ITPKA: variants seen among roughly 807,000 people sequenced by gnomAD.
ITPKA encodes IP3 3-kinase A.
Under a neutral mutation model 40.7 loss-of-function variants are expected in ITPKA, and 16 were observed. The ratio of observed to expected loss-of-function variants is 0.39; its 90% CI spans 0.27 to 0.60. The LOEUF is 0.60. Ranked by LOEUF, ITPKA falls within the 20% of genes least tolerant of loss-of-function variation. ITPKA has a pLI of 0.50. For missense variants in ITPKA, 540 were observed against 649.3 expected (o/e 0.83, Z 1.83); for synonymous variants, 313 against 289.9 (o/e 1.08, Z -0.81).
rs756697444 is a variant in ITPKA, at chr15:41,503,126, A to T, written c.1346A>T (p.Asp449Val). 1 of 1,598,262 alleles carries T rather than the reference A, an allele frequency of 6.3e-7. No homozygotes were observed. Among genetic ancestry groups the T allele is most frequent in the South Asian group, 1.1e-5 (1 of 90,614 alleles). Residue 449 changes from aspartate to valine, a missense_variant, in exon 7 of 7, where the codon GAC (aspartate) becomes GTC (valine). Transcript: ENST00000260386. Reference sequence around the variant, plus strand: ...GAGGACGGCTATTTGCTGGGGCTGGACAATCTCATTGGCATCCTGGCCAGC... The same window carrying T: ...GAGGACGGCTATTTGCTGGGGCTGGTCAATCTCATTGGCATCCTGGCCAGC... The part of the protein sequence containing the change: ...NREDGYLLGL[D>V]NLIGILASLA...
At chr15:41,499,224 T>C (rs895744265) in intron 1 of ITPKA, among the ~76,000 whole-genome samples, 10 of 152,260 alleles carry the variant, frequency 6.6e-5, no homozygotes, top group Admixed American at 2.0e-4. Context: ...AAAAGGAGTT[T>C]TGAAAGTGAT....
Position 41,494,971 on chromosome 15 carries a change from G to A in ITPKA, c.489+555G>A, listed in dbSNP as rs912946374. 6.6e-6 allele frequency among the ~76,000 whole-genome samples: 1 copy of A among 152,214 alleles called. No homozygotes were observed. The highest frequency in any genetic ancestry group is 6.5e-5 in the Admixed American group (1 of 15,288). On this transcript the variant is annotated intron_variant, in intron 1 of 6. Coordinates refer to ENST00000260386, the MANE Select transcript of ITPKA (RefSeq NM_002220.3). The surrounding 1 kb of genome is among the most constrained non-coding windows in gnomAD (Gnocchi z 7.8). ...AGGGGAGGGAGGGGCGTGGGCCTGG[G>A]AGCTCTGGCTGGGAGCGGAACGCAG...
At position 41,501,520 on chromosome 15, in the gene ITPKA, A is replaced by C; in HGVS notation, c.547A>C (p.Lys183Gln). Residue 183 changes from lysine (K) to glutamine (Q), a missense_variant, in exon 2 of 7, where the codon AAG becomes CAG. Transcript: ENST00000260386. ...MVNLPVISPF[K>Q]KRYAWVQLAG... ...CAATCTGCCGGTCATAAGCCCTTTCAAGAAGCGCTACGCCTGGGTGCAGCT... is the reference window on the plus strand; with the variant it reads ...CAATCTGCCGGTCATAAGCCCTTTCCAGAAGCGCTACGCCTGGGTGCAGCT... 1 of 1,598,772 alleles carries C rather than the reference A, an allele frequency of 6.3e-7. No individual in the cohort carries two copies. Among genetic ancestry groups the C allele is most frequent in the Non-Finnish European group, 8.5e-7 (1 of 1,172,912 alleles).
At position 41,502,788 on chromosome 15, in the gene ITPKA, A is replaced by G; in HGVS notation, c.1111A>G (p.Arg371Gly). 6.2e-7 allele frequency: 1 copy of G among 1,606,818 alleles called. No homozygotes were observed. The highest frequency in any genetic ancestry group is 1.3e-5 in the African/African-American group (1 of 74,864). The change falls in exon 6 of 7, where the codon AGG (arginine) becomes GGG (glycine). Residue 371 changes from arginine (R) to glycine (G), a missense_variant and splice_region_variant. Arg to Gly is a moderately radical substitution (Grantham distance 125). Transcript: ENST00000260386. Reference protein sequence around the residue: ...EFVQGDEEVLRRYLNRLQQIR... With the variant: ...EFVQGDEEVLGRYLNRLQQIR... ...TCCTCTCCCACCCCACCCTCTGCAG[A>G]GGCGGTATCTGAACCGCCTGCAGCA...
chr15:41,496,315 C>CGCGGGACTCTAGGACTCCCG (rs2051070770), intron 1 of ITPKA, among the ~76,000 whole-genome samples: 2 of 152,182 alleles, frequency 1.3e-5, no homozygotes, highest in Admixed American at 6.5e-5. Context: ...GGCTTACCAG[C>CGCGGGACTCTAGGACTCCCG]CCCTTACGCG....
chr15:41,501,158 T>A (rs2140676819), intron 1 of ITPKA: 1 of 186,416 alleles, frequency 5.4e-6, no homozygotes, highest in East Asian at 1.9e-4. Context: ...GACAGAGCAT[T>A]TTCGTAACCT....
rs753458365 is a variant in ITPKA at position 41,502,247 on chromosome 15, G to A, written c.1008+46G>A. 3.9e-6 allele frequency: 6 copies of A among 1,530,718 alleles called. No individual in the cohort carries two copies. In the South Asian group the frequency reaches 4.8e-5, roughly 12 times the overall value. 94.8% of individuals were successfully genotyped at this position (1,530,718 alleles called of 1,614,324 possible). A position where few individuals can be genotyped will look rare whatever the true frequency, so the allele number is the denominator to read the frequency against. ...TGGCACCGCCGCAGCCCCACTGCGC[G>A]CTGTCTTTCCCGATCCCCCGCTCCC... On this transcript the variant is annotated intron_variant, in intron 4 of 6. Transcript: ENST00000260386.
rs1478253145 is a variant in ITPKA, at chr15:41,503,081, C to T, written c.1301C>T (p.Pro434Leu). Residue 434 changes from proline to leucine, a missense_variant, in exon 7 of 7, where the codon CCC becomes CTC. Transcript: ENST00000260386. ...GGCCAGATCCTGGACCACCGGCGGC[C>T]CTGGGAGGAGGGCAACCGCGAGGAC... ...PDGQILDHRRPWEEGNREDGY... is the reference protein window; with the variant it reads ...PDGQILDHRRLWEEGNREDGY... 4 of 1,607,408 alleles carry T rather than the reference C, an allele frequency of 2.5e-6. No individual in the cohort carries two copies. In the South Asian group the frequency reaches 4.4e-5, roughly 18 times the overall value.
chr15:41,498,474 C>T (rs948217796), intron 1 of ITPKA, among the ~76,000 whole-genome samples: 1 of 152,130 alleles, frequency 6.6e-6, no homozygotes. Context: ...ATGGTAGTAG[C>T]CCAGGTTTTT....
At chr15:41,498,157 T>G (rs2051087043) in intron 1 of ITPKA, among the ~76,000 whole-genome samples, 1 of 151,524 alleles carries the variant, frequency 6.6e-6, no homozygotes, top group African/African-American at 2.4e-5. Context: ...ATACAAAAAA[T>G]CAACCAGGCA....
At chr15:41,498,900 A>C (rs2051091714) in intron 1 of ITPKA, among the ~76,000 whole-genome samples, 1 of 152,106 alleles carries the variant, frequency 6.6e-6, no homozygotes, top group Non-Finnish European at 1.5e-5. Context: ...GAACTTGGGG[A>C]GGGAGGATGG....
intron 1 of ITPKA, among the ~76,000 whole-genome samples, chr15:41,495,760 T>C (rs958770632): frequency 9.2e-5 from 14 of 152,186 alleles, no homozygotes; most frequent in African/African-American, 3.4e-4. Flanking sequence ...CGGAAAAGCC[T>C]GAGCAGCAGC....
intron 1 of ITPKA, among the ~76,000 whole-genome samples, chr15:41,496,215 C>T (rs1456137732): frequency 6.6e-6 from 1 of 152,278 alleles, no homozygotes; most frequent in African/African-American, 2.4e-5. Context: ...AGCGCGCCGG[C>T]CCAGGCCAAT....
intron 1 of ITPKA, among the ~76,000 whole-genome samples, chr15:41,496,313 A>G (rs1200904679): frequency 6.6e-6 from 1 of 152,250 alleles, no homozygotes; most frequent in East Asian, 1.9e-4. Flanking sequence ...CCGGCTTACC[A>G]GCCCCTTACG....
chr15:41,502,598 C>G, intron 5 of ITPKA, 95 bp downstream of exon 5: 1 of 932,216 alleles, frequency 1.1e-6, no homozygotes, highest in Non-Finnish European at 1.7e-6. Flanking sequence ...GTGTCCCCAC[C>G]ATGGCCCTCA....
At chr15:41,501,920 G>A (rs1050256039) in intron 3 of ITPKA, 69 bp downstream of exon 3, 15 of 1,590,224 alleles carry the variant, frequency 9.4e-6, no homozygotes, top group Admixed American at 6.8e-5. Flanking sequence ...GCTGCTTGAG[G>A]GGGACCCGGG....
chr15:41,501,208 G>A (rs1054569314), intron 1 of ITPKA: 1 of 552,632 alleles, frequency 1.8e-6, no homozygotes, highest in Non-Finnish European at 2.3e-6. Context: ...AGCGCAAACC[G>A]GGGGCTTCAG....
Position 41,494,641 on chromosome 15 carries a change from C to T in ITPKA, c.489+225C>T, listed in dbSNP as rs977989525. On this transcript the variant is annotated intron_variant, in intron 1 of 6. Coordinates refer to ENST00000260386, the MANE Select transcript of ITPKA (RefSeq NM_002220.3). The surrounding 1 kb of genome is among the most constrained non-coding windows in gnomAD (Gnocchi z 7.8). ...GCGGGTCGTGGCGCTGGCCCTGGGG[C>T]GTCTAAGAAGCGGGGCGAGGAGCAG... is the stretch of plus-strand genomic sequence containing the variant. 6.6e-6 allele frequency among the ~76,000 whole-genome samples: 1 copy of T among 152,098 alleles called. No individual in the cohort carries two copies. Among genetic ancestry groups the T allele is most frequent in the Non-Finnish European group, 1.5e-5 (1 of 67,992 alleles).
intron 1 of ITPKA, among the ~76,000 whole-genome samples, chr15:41,497,012 C>T (rs1322031520): frequency 6.6e-6 from 1 of 152,212 alleles, no homozygotes; most frequent in South Asian, 2.1e-4. Context: ...CTGGTCTGCT[C>T]CAGCAGAAGA....
Sources: gnomAD v4.1 joint callset for allele counts (sites outside exome capture counted in the v4.1 genomes callset) on GRCh38, gnomAD v4.1.1 for gene constraint, Gnocchi (gnomAD v3.1) non-coding constraint, MANE v1.5 for transcripts, NCBI Gene and HGNC (gene_info 2026-07-23, HGNC 2026-07-21) for gene names.